EGFR: variants seen among roughly 807,000 people sequenced by gnomAD.
EGFR encodes avian erythroblastic leukemia viral (v-erb-b) oncogene homolog.
EGFR carries 58 observed loss-of-function variants against 143.0 expected under a neutral mutation model. The observed-to-expected ratio is 0.41, with a 90% CI of 0.33 to 0.50. The LOEUF is 0.50. EGFR is among the 20% of genes least tolerant of loss of function. EGFR has a pLI of 0.39. For missense variants in EGFR, 1,307 were observed against 1,579.0 expected (o/e 0.83, Z 2.92); for synonymous variants, 613 against 594.4 (o/e 1.03, Z -0.45).
chr7:55,153,085 G>A (rs892325317), intron 6 of EGFR, among the ~76,000 whole-genome samples: 4 of 152,202 alleles, frequency 2.6e-5, no homozygotes, highest in Non-Finnish European at 5.9e-5. Context: ...ACTTGACACT[G>A]TGAGGTCCCT....
chr7:55,028,025 T>TATATATATATATATACAC (rs869080650), intron 1 of EGFR, among the ~76,000 whole-genome samples: 2 of 101,650 alleles, frequency 2.0e-5, no homozygotes, highest in African/African-American at 9.6e-5. Context: ...TATATATATA[T>TATATATATATATATACAC]ACACACACAC....
At chr7:55,119,621 G>A (rs959970144) in intron 1 of EGFR, among the ~76,000 whole-genome samples, 1 of 152,174 alleles carries the variant, frequency 6.6e-6, no homozygotes, top group African/African-American at 2.4e-5. Context: ...GTATCCCAAG[G>A]ATCCCTTTGT....
At chr7:55,188,667 G>C (rs1472344826) in intron 20 of EGFR, among the ~76,000 whole-genome samples, 1 of 152,166 alleles carries the variant, frequency 6.6e-6, no homozygotes, top group African/African-American at 2.4e-5. Flanking sequence ...GACCCTGGGA[G>C]CTCACAGGCC....
chr7:55,102,877 T>C (rs1190637709), intron 1 of EGFR, among the ~76,000 whole-genome samples: 2 of 152,214 alleles, frequency 1.3e-5, no homozygotes. Flanking sequence ...GTTTAAAGCA[T>C]GGAGGAGAGG....
intron 1 of EGFR, among the ~76,000 whole-genome samples, chr7:55,040,441 C>G (rs559390202): frequency 3.9e-5 from 6 of 152,212 alleles, no homozygotes; most frequent in African/African-American, 1.4e-4. Context: ...AAATTCTTTC[C>G]ATTAGCAAGG....
At chr7:55,042,732 AAAT>A (rs1375359551) in intron 1 of EGFR, among the ~76,000 whole-genome samples, 1 of 152,174 alleles carries the variant, frequency 6.6e-6, no homozygotes. Context: ...TCTCTGAGTA[AAAT>A]AATGATAACA....
rs996616590 is a variant in EGFR at position 55,211,030 on chromosome 7, C to T, written c.*5413C>T. On this transcript the variant is annotated 3_prime_UTR_variant, in exon 28 of 28. Transcript: ENST00000275493. ...TGTTATACATTCCTCACAAATTATA[C>T]CTGGGATAAAAACTATGTAGCAGGC... The T allele has an allele frequency of 6.6e-6, 1 of 152,126 alleles. No homozygotes were observed. Among genetic ancestry groups the T allele is most frequent in the African/African-American group, 2.4e-5 (1 of 41,424 alleles). The allele number at this position is 152,126 out of a possible 1,614,324, so 9.4% of individuals were successfully genotyped here.
chr7:55,174,428 C>CT (rs1228697098), intron 18 of EGFR, among the ~76,000 whole-genome samples: 1 of 152,228 alleles, frequency 6.6e-6, no homozygotes, highest in African/African-American at 2.4e-5. Context: ...TCAGTTAGGC[C>CT]TAGACGCAGC....
At chr7:55,171,239 A>G (rs771150995) in intron 16 of EGFR, 26 bp downstream of exon 16, 3 of 1,614,156 alleles carry the variant, frequency 1.9e-6, no homozygotes, top group East Asian at 4.5e-5. Context: ...TCTGTGTCAC[A>G]TGGACCTCGT....
Position 55,201,633 on chromosome 7 carries a change from C to T in EGFR, c.3115-102C>T, listed in dbSNP as rs1199699816. 8 of 1,450,242 alleles carry T rather than the reference C, an allele frequency of 5.5e-6. No individual in the cohort carries two copies. In the African/African-American group the frequency reaches 5.6e-5, roughly 10 times the overall value. The allele number at this position is 1,450,242 out of a possible 1,614,324, so 89.8% of individuals were successfully genotyped here. On this transcript the variant is annotated intron_variant, in intron 25 of 27. Transcript: ENST00000275493. ...AACGATTAAGACAAAAATTAAACAC[C>T]TTCACAATATACCCTCCATGAGGCA...
In EGFR at chr7:55,167,308, T is replaced by C. The variant is rs112507228; in HGVS notation, c.1880+1871T>C. 4.9e-4 allele frequency among the ~76,000 whole-genome samples: 53 copies of C among 107,598 alleles called. 1 individual carries two copies. Among genetic ancestry groups the C allele is most frequent in the African/African-American group, 2.3e-3 (52 of 23,044 alleles). 70.6% of individuals were successfully genotyped at this position (107,598 alleles called of 152,430 possible). A position where few individuals can be genotyped will look rare whatever the true frequency, so the allele number is the denominator to read the frequency against. ...GAGGAGGTGGGAGTCACAATGGTGG[T>C]GGTGTTGATGGTGGTGATGGTGGTG... On this transcript the variant is annotated intron_variant, in intron 15 of 27. Coordinates refer to ENST00000275493, the MANE Select transcript of EGFR (RefSeq NM_005228.5).
rs567894670 is a variant in EGFR at position 55,019,315 on chromosome 7, C to T, written c.38C>T (p.Ala13Val). The change falls in exon 1 of 28, where the codon GCG (alanine) becomes GTG (valine). Residue 13 changes from alanine to valine, a missense_variant. This residue lies in a region of EGFR where 65 missense variants were observed against 37.8 expected (regional missense o/e 1.72). Transcript: ENST00000275493. ...PSGTAGAALLALLAALCPASR... is the reference protein window; with the variant it reads ...PSGTAGAALLVLLAALCPASR... The stretch of plus-strand genomic sequence containing the variant: ...GGGACGGCCGGGGCAGCGCTCCTGG[C>T]GCTGCTGGCTGCGCTCTGCCCGGCG... 2.7e-5 allele frequency: 41 copies of T among 1,522,070 alleles called. 1 individual carries two copies. In the Admixed American group the frequency reaches 6.1e-4, roughly 23 times the overall value. 94.3% of individuals were successfully genotyped at this position (1,522,070 alleles called of 1,614,324 possible). A position where few individuals can be genotyped will look rare whatever the true frequency, so the allele number is the denominator to read the frequency against.
At chr7:55,097,147 G>A (rs1291540899) in intron 1 of EGFR, among the ~76,000 whole-genome samples, 1 of 152,170 alleles carries the variant, frequency 6.6e-6, no homozygotes, top group Non-Finnish European at 1.5e-5. Context: ...ACATATTTCT[G>A]TGCCTTGCCC....
intron 1 of EGFR, among the ~76,000 whole-genome samples, chr7:55,113,654 A>C (rs1792654397): frequency 6.6e-6 from 1 of 152,270 alleles, no homozygotes; most frequent in African/African-American, 2.4e-5. Flanking sequence ...CCAAAAGCAT[A>C]GCTTAGAACT....
chr7:55,047,186 T>C (rs1461463324), intron 1 of EGFR, among the ~76,000 whole-genome samples: 3 of 152,224 alleles, frequency 2.0e-5, no homozygotes, highest in South Asian at 2.1e-4. Context: ...GCCTCATGGC[T>C]GCAGGCAAGG....
At chr7:55,190,693 A>G (rs575628215) in intron 20 of EGFR, among the ~76,000 whole-genome samples, 2 of 152,270 alleles carry the variant, frequency 1.3e-5, no homozygotes, top group East Asian at 3.9e-4. Flanking sequence ...CCCACTCTGT[A>G]CTAGAAAGTA....
chr7:55,022,669 G>A (rs900825195), intron 1 of EGFR, among the ~76,000 whole-genome samples: 1 of 152,208 alleles, frequency 6.6e-6, no homozygotes. Flanking sequence ...ATCTGGAAAG[G>A]ACACCAGTGG....
At chr7:55,181,798 A>T in intron 20 of EGFR, 1 of 417,554 alleles carries the variant, frequency 2.4e-6, no homozygotes, top group Non-Finnish European at 4.5e-6. Flanking sequence ...TTTGTAGTGG[A>T]GAAGGAATAT....
chr7:55,191,649 C>T, intron 20 of EGFR, 70 bp from the exon 21 acceptor site: 1 of 1,603,238 alleles, frequency 6.2e-7, no homozygotes. Context: ...ATGAACATGA[C>T]CCTGAATTCG....
Sources: gnomAD v4.1 joint callset for allele counts (sites outside exome capture counted in the v4.1 genomes callset) on GRCh38, gnomAD v4.1.1 for gene constraint, gnomAD v4.1.1 regional missense constraint, MANE v1.5 for transcripts, NCBI Gene and HGNC (gene_info 2026-07-23, HGNC 2026-07-21) for gene names.